Variants in UMAD1 observed in about 807,000 individuals in gnomAD.
UMAD1 encodes UBAP1-MVB12-associated (UMA)-domain containing protein 1.
UMAD1 carries 8 observed loss-of-function variants against 6.1 expected under a neutral mutation model. The ratio of observed to expected loss-of-function variants is 1.30; its 90% CI spans 0.76 to 2.35. The LOEUF is 2.35. UMAD1 is among the 30% of genes most tolerant of loss of function. UMAD1 has a pLI of 0.00. For missense variants in UMAD1, 130 were observed against 78.4 expected (o/e 1.66, Z -2.49); for synonymous variants, 56 against 31.4 (o/e 1.78, Z -2.61).
At chr7:7,829,134 TA>T (rs1377498384) in intron 3 of UMAD1, among the ~76,000 whole-genome samples, 1 of 152,208 alleles carries the variant, frequency 6.6e-6, no homozygotes, top group African/African-American at 2.4e-5. Flanking sequence ...CTGGCATTAA[TA>T]AGGACTTGGC....
intron 2 of UMAD1, among the ~76,000 whole-genome samples, chr7:7,741,554 G>A (rs1781464567): frequency 6.7e-6 from 1 of 148,592 alleles, no homozygotes; most frequent in African/African-American, 2.5e-5. Context: ...TCCAGCCTGG[G>A]CTACAGAGCG....
At chr7:7,810,921 A>G (rs1783007666) in intron 3 of UMAD1, among the ~76,000 whole-genome samples, 1 of 152,176 alleles carries the variant, frequency 6.6e-6, no homozygotes, top group Non-Finnish European at 1.5e-5. Flanking sequence ...ATTTGTCAAA[A>G]CATCTGTCCC....
intron 3 of UMAD1, among the ~76,000 whole-genome samples, chr7:7,827,122 GATAT>G (rs112036833): frequency 0.034 from 4,804 of 140,258 alleles, 104 homozygotes; most frequent in East Asian, 0.081. Flanking sequence ...CACAGTCCAG[GATAT>G]ATATATATAT....
chr7:7,647,580 T>C (rs1376704954), intron 1 of UMAD1, among the ~76,000 whole-genome samples: 1 of 152,200 alleles, frequency 6.6e-6, no homozygotes, highest in East Asian at 1.9e-4. Context: ...GTCAAATTTC[T>C]CCTTGAAGCC....
intron 2 of UMAD1, among the ~76,000 whole-genome samples, chr7:7,690,569 C>T (rs1258206485): frequency 6.6e-6 from 1 of 151,844 alleles, no homozygotes; most frequent in Non-Finnish European, 1.5e-5. Flanking sequence ...GGGGTGATGC[C>T]GCACCTAAGT....
intron 2 of UMAD1, among the ~76,000 whole-genome samples, chr7:7,774,890 C>T (rs1055394749): frequency 3.3e-5 from 5 of 152,136 alleles, no homozygotes; most frequent in African/African-American, 1.2e-4. Context: ...ACTTAATTTC[C>T]ATCTCACTTT....
At chr7:7,737,083 T>C (rs571537986) in intron 2 of UMAD1, among the ~76,000 whole-genome samples, 11 of 152,364 alleles carry the variant, frequency 7.2e-5, no homozygotes, top group African/African-American at 2.2e-4. Context: ...TAAAGCTACA[T>C]TTTGCGAATC....
chr7:7,799,866 T>C (rs180830573), intron 2 of UMAD1, among the ~76,000 whole-genome samples: 205 of 152,330 alleles, frequency 1.3e-3, no homozygotes, highest in African/African-American at 4.7e-3. Context: ...TTTTATTATG[T>C]ATCATAAAGT....
chr7:7,847,087 CAAAAAAAAAAAAAA>C (rs1190292068), intron 3 of UMAD1, among the ~76,000 whole-genome samples: 1 of 6,274 alleles, frequency 1.6e-4, no homozygotes, highest in Non-Finnish European at 2.3e-4. Flanking sequence ...GACAGCAATG[CAAAAAAAAAAAAAA>C]AAAATATATA....
intron 3 of UMAD1, among the ~76,000 whole-genome samples, chr7:7,860,765 A>G (rs1199012953): frequency 2.9e-5 from 4 of 137,738 alleles, no homozygotes; most frequent in Non-Finnish European, 4.7e-5. Context: ...ACAAAGCGAG[A>G]CTCCATCTCA....
Position 7,853,123 on chromosome 7 carries a change from C to T in UMAD1, c.157-24158C>T, listed in dbSNP as rs533548609. ...GGAGTTATGAGCCAGAAACTGTGGA[C>T]GAAAACCAGTATATATGTATATCAT... On this transcript the variant is annotated intron_variant, in intron 3 of 3. Coordinates refer to ENST00000682710, the MANE Select transcript of UMAD1 (RefSeq NM_001302348.2). Among the ~76,000 whole-genome samples, 140 of 152,172 alleles carry T rather than the reference C, an allele frequency of 9.2e-4. 1 individual carries two copies. Among genetic ancestry groups the T allele is most frequent in the African/African-American group, 3.3e-3 (136 of 41,506 alleles).
chr7:7,792,831 CGCACTTTTTGGTTCGTA>C (rs1782594902), intron 2 of UMAD1, among the ~76,000 whole-genome samples: 1 of 152,130 alleles, frequency 6.6e-6, no homozygotes, highest in Admixed American at 6.6e-5. Context: ...CTGGTGAGGG[CGCACTTTTTGGTTCGTA>C]GAAGGCATCT....
At chr7:7,806,121 T>C (rs1048328812) in intron 3 of UMAD1, among the ~76,000 whole-genome samples, 2 of 152,218 alleles carry the variant, frequency 1.3e-5, no homozygotes, top group South Asian at 2.1e-4. Flanking sequence ...CTAATGTTTC[T>C]GCCTATCAAA....
intron 3 of UMAD1, among the ~76,000 whole-genome samples, chr7:7,851,052 G>T (rs533024920): frequency 6.6e-6 from 1 of 152,052 alleles, no homozygotes; most frequent in Non-Finnish European, 1.5e-5. Context: ...TGAACATGTA[G>T]CTTTGATATG....
At position 7,694,926 on chromosome 7, in the gene UMAD1, C is replaced by T. The variant is rs7805941; in HGVS notation, c.82+21473C>T. 4.5e-3 allele frequency among the ~76,000 whole-genome samples: 684 copies of T among 152,198 alleles called. 7 individuals carry two copies. Among genetic ancestry groups the T allele is most frequent in the African/African-American group, 0.016 (654 of 41,544 alleles). ...CTAGCAGTGGGATTGTTGGATCATA[C>T]GGTAGTTCTATTTTTAGTTTTTTGA... On this transcript the variant is annotated intron_variant, in intron 2 of 3. Coordinates refer to ENST00000682710, the MANE Select transcript of UMAD1 (RefSeq NM_001302348.2).
At chr7:7,739,196 G>A (rs1344259160) in intron 2 of UMAD1, among the ~76,000 whole-genome samples, 2 of 152,038 alleles carry the variant, frequency 1.3e-5, no homozygotes, top group East Asian at 1.9e-4. Context: ...ATTTTAATTC[G>A]ACAGACCACA....
In UMAD1 at chr7:7,877,409, G is replaced by C. The variant is rs937121282; in HGVS notation, c.285G>C (p.Pro95=). ...GCGATGTGCCGTTCACCCTGGCCCCGCATGTGCTGGCAGTACAGGGCACCA... is the reference window on the plus strand; with the variant it reads ...GCGATGTGCCGTTCACCCTGGCCCCCCATGTGCTGGCAGTACAGGGCACCA... ...LLSDVPFTLA[P]HVLAVQGTIT... is the part of the protein sequence containing the mutation. The change falls in exon 4 of 4, where the codon CCG becomes CCC. Residue 95 remains proline, a synonymous_variant. Coordinates refer to ENST00000682710, the MANE Select transcript of UMAD1 (RefSeq NM_001302348.2). The C allele has an allele frequency of 1.4e-6, 1 of 717,514 alleles. No homozygotes were observed. The highest frequency in any genetic ancestry group is 2.0e-5 in the Admixed American group (1 of 50,002). 44.4% of individuals were successfully genotyped at this position (717,514 alleles called of 1,614,324 possible).
At chr7:7,862,152 CT>C (rs1213101109) in intron 3 of UMAD1, among the ~76,000 whole-genome samples, 11 of 152,014 alleles carry the variant, frequency 7.2e-5, no homozygotes, top group Non-Finnish European at 1.5e-4. Context: ...TTGACTGTAT[CT>C]TATGCCATTT....
chr7:7,734,808 T>C (rs1163004245), intron 2 of UMAD1, among the ~76,000 whole-genome samples: 1 of 152,188 alleles, frequency 6.6e-6, no homozygotes, highest in African/African-American at 2.4e-5. Context: ...AATGATATGC[T>C]AGCTAACTTT....
Sources: allele counts gnomAD v4.1 joint callset (sites outside exome capture counted in the v4.1 genomes callset), GRCh38; gene constraint gnomAD v4.1.1; transcripts MANE v1.5; gene names NCBI Gene and HGNC (gene_info 2026-07-23, HGNC 2026-07-21).